UBR4: variants seen among roughly 807,000 people sequenced by gnomAD.
UBR4 encodes the protein E3 ubiquitin-protein ligase UBR4.
In UBR4, 124 loss-of-function variants were observed where a neutral mutation model predicts 575.6. The ratio of observed to expected loss-of-function variants is 0.22; its 90% CI spans 0.19 to 0.25. The LOEUF (loss-of-function observed/expected upper bound fraction) is 0.25, where lower values mean the gene tolerates loss of function less well. UBR4 is among the 10% of genes least tolerant of loss of function. The probability of loss-of-function intolerance (pLI) is 1.00; values close to 1 mark genes in which losing one functional copy is unlikely to be tolerated. For missense variants in UBR4, 4,818 were observed against 6,478.8 expected (o/e 0.74, Z 8.80); for synonymous variants, 2,455 against 2,473.7 (o/e 0.99, Z 0.22).
At chr1:19,184,850 G>T (rs557604987) in intron 15 of UBR4, among the ~76,000 whole-genome samples, 1 of 152,226 alleles carries the variant, frequency 6.6e-6, no homozygotes. Context: ...CAAAACTAAG[G>T]CTAGAAAAAA....
chr1:19,159,041 C>T (rs1018188146), intron 39 of UBR4, among the ~76,000 whole-genome samples: 6 of 152,102 alleles, frequency 3.9e-5, no homozygotes, highest in African/African-American at 1.4e-4. Flanking sequence ...TCTCAGGAGG[C>T]TGAGTGAGGC....
At chr1:19,192,453 A>G in intron 10 of UBR4, 28 bp downstream of exon 10, 4 of 1,614,216 alleles carry the variant, frequency 2.5e-6, no homozygotes, top group Non-Finnish European at 3.4e-6. Flanking sequence ...GATAGGAAGT[A>G]TGCAGCAGAG....
At position 19,095,565 on chromosome 1, in the gene UBR4, T is replaced by G. The variant is rs769598261; in HGVS notation, c.13606A>C (p.Met4536Leu). 1 of 1,614,018 alleles carries G rather than the reference T, an allele frequency of 6.2e-7. No individual in the cohort carries two copies. The highest frequency in any genetic ancestry group is 8.5e-7 in the Non-Finnish European group (1 of 1,180,010). The change falls in exon 93 of 106, where the codon ATG becomes CTG. Residue 4536 changes from methionine (M) to leucine (L), a missense_variant. Around this residue, in one of 29 missense-constraint regions of UBR4, gnomAD observed 165 missense variants for 282.3 expected, o/e 0.58. Transcript: ENST00000375254. ...VKLEMNTLNVMLGTLNLALVA... is the reference protein window; with the variant it reads ...VKLEMNTLNVLLGTLNLALVA... Reference sequence around the variant, plus strand: ...CTTACCAGGTTTAGGGTCCCCAGCATGACGTTCAAGGTGTTCATTTCCAGT... The same window carrying G: ...CTTACCAGGTTTAGGGTCCCCAGCAGGACGTTCAAGGTGTTCATTTCCAGT...
intron 59 of UBR4, 148 bp from the exon 60 acceptor site, chr1:19,138,329 T>A: frequency 1.2e-6 from 1 of 825,242 alleles, no homozygotes; most frequent in Non-Finnish European, 1.7e-6. Flanking sequence ...TAAAGCTAAG[T>A]AAGACCCCAC....
At chr1:19,159,221 G>A (rs1464843738) in intron 39 of UBR4, among the ~76,000 whole-genome samples, 1 of 152,048 alleles carries the variant, frequency 6.6e-6, no homozygotes, top group African/African-American at 2.4e-5. Context: ...TTTTGGAATC[G>A]CCACCACTTT....
intron 84 of UBR4, 85 bp downstream of exon 84, chr1:19,105,648 A>T: frequency 9.4e-7 from 1 of 1,059,152 alleles, no homozygotes; most frequent in Non-Finnish European, 1.3e-6. Context: ...GCCTCTCATT[A>T]CCCTGATCCA....
chr1:19,117,773 C>T lies in UBR4; in HGVS notation c.10629+50G>A, dbSNP rs752318621. 10 of 1,525,388 alleles carry T rather than the reference C, an allele frequency of 6.6e-6. No homozygotes were observed. In the South Asian group the frequency reaches 1.1e-4, roughly 17 times the overall value. The allele number at this position is 1,525,388 out of a possible 1,614,324, so 94.5% of individuals were successfully genotyped here. A position where few individuals can be genotyped will look rare whatever the true frequency, so the allele number is the denominator to read the frequency against. On this transcript the variant is annotated intron_variant, in intron 72 of 105. Coordinates refer to ENST00000375254, the MANE Select transcript of UBR4 (RefSeq NM_020765.3). The surrounding 1 kb of genome is among the most constrained non-coding windows in gnomAD (Gnocchi z 4.0). Reference sequence around the variant, plus strand: ...ATGATCCATCTCTGGAAACAAGAATCCCACTGGACCTATTGGCCTCAGGAC... The same window carrying T: ...ATGATCCATCTCTGGAAACAAGAATTCCACTGGACCTATTGGCCTCAGGAC...
In UBR4 at chr1:19,119,654, G is replaced by C. The variant is rs1380524587; in HGVS notation, c.10358C>G (p.Ser3453Cys). Residue 3453 changes from serine (S) to cysteine (C), a missense_variant, in exon 70 of 106, where the codon TCC becomes TGC. Coordinates refer to ENST00000375254, the MANE Select transcript of UBR4 (RefSeq NM_020765.3). ...QQELLLDLMW[S>C]IWPELPAYGR... Reference sequence around the variant, plus strand: ...ATAGGCTGGGAGTTCTGGCCAGATGGACCACATCAGATCTAGCAGGAGCTC... The same window carrying C: ...ATAGGCTGGGAGTTCTGGCCAGATGCACCACATCAGATCTAGCAGGAGCTC... The C allele has an allele frequency of 9.9e-6, 16 of 1,613,766 alleles. No homozygotes were observed. Among genetic ancestry groups the C allele is most frequent in the Non-Finnish European group, 1.4e-5 (16 of 1,179,824 alleles).
Position 19,173,405 on chromosome 1 carries a change from C to T in UBR4, c.3165+34G>A, listed in dbSNP as rs77060084. ...CTCCAGTAAGCACAAAGCACTTTGG[C>T]TTTGAATAGTCTTAGCAGCAAGCTC... is the stretch of plus-strand genomic sequence containing the variant. On this transcript the variant is annotated intron_variant, in intron 23 of 105. Transcript: ENST00000375254. 6,711 of 1,613,056 alleles carry T rather than the reference C, an allele frequency of 4.2e-3. 270 individuals are homozygous for T. In the African/African-American group the frequency reaches 0.08, roughly 19 times the overall value.
At chr1:19,111,117 T>C (rs897991652) in intron 78 of UBR4, among the ~76,000 whole-genome samples, 2 of 152,246 alleles carry the variant, frequency 1.3e-5, no homozygotes, top group Admixed American at 6.5e-5. Flanking sequence ...CCCTGCTGTC[T>C]GGTGTGACAC....
chr1:19,171,810 A>C (rs1302252853), intron 25 of UBR4, among the ~76,000 whole-genome samples: 1 of 152,168 alleles, frequency 6.6e-6, no homozygotes, highest in Non-Finnish European at 1.5e-5. Flanking sequence ...GCACCACTGC[A>C]CTCCGGCCTG....
intron 81 of UBR4, among the ~76,000 whole-genome samples, chr1:19,109,121 A>C (rs901687152): frequency 3.9e-5 from 6 of 152,212 alleles, no homozygotes; most frequent in Admixed American, 3.9e-4. Context: ...AGCACTCAAA[A>C]AGCAATCTTC....
At chr1:19,121,682 CTT>C (rs2081194339) in intron 67 of UBR4, among the ~76,000 whole-genome samples, 1 of 152,208 alleles carries the variant, frequency 6.6e-6, no homozygotes, top group Non-Finnish European at 1.5e-5. Flanking sequence ...ACCTACTCCT[CTT>C]TGACTTTACT....
At chr1:19,098,946 T>C (rs761880409) in intron 90 of UBR4, among the ~76,000 whole-genome samples, 13 of 150,672 alleles carry the variant, frequency 8.6e-5, no homozygotes, top group Non-Finnish European at 1.8e-4. Flanking sequence ...GAGAGAGAAA[T>C]GGAGGGGAAG....
chr1:19,095,602 C>T lies in UBR4; in HGVS notation c.13569G>A (p.Gln4523=), dbSNP rs759823230. 1.2e-6 allele frequency: 2 copies of T among 1,614,034 alleles called. No individual in the cohort carries two copies. The highest frequency in any genetic ancestry group is 2.7e-5 in the African/African-American group (2 of 74,928). The change falls in exon 93 of 106, where the codon CAG becomes CAA. Residue 4523 remains glutamine, a synonymous_variant. Coordinates refer to ENST00000375254, the MANE Select transcript of UBR4 (RefSeq NM_020765.3). ...SYCVKVKVNR[Q]QLVKLEMNTL... Reference sequence around the variant, plus strand: ...TGTTCATTTCCAGTTTGACCAGTTGCTGCCGGTTGACTTTCACCTTCACGC... The same window carrying T: ...TGTTCATTTCCAGTTTGACCAGTTGTTGCCGGTTGACTTTCACCTTCACGC...
In UBR4 at chr1:19,084,622, G is replaced by C; in HGVS notation, c.14890C>G (p.Leu4964Val). The change falls in exon 102 of 106, where the codon CTC becomes GTC. Residue 4964 changes from leucine to valine, a missense_variant. Leu to Val is a conservative substitution (Grantham distance 32, BLOSUM62 1). This residue lies in a region of UBR4 where 196 missense variants were observed against 386.8 expected (regional missense o/e 0.51). Coordinates refer to ENST00000375254, the MANE Select transcript of UBR4 (RefSeq NM_020765.3). ...TGCTCCATGGCGAAGCGCAGGAAGA[G>C]CAGTTTGATGTCATGGATGTTGAGC... ...YQLNIHDIKL[L>V]FLRFAMEQSF... 6.2e-7 allele frequency: 1 copy of C among 1,614,162 alleles called. No individual in the cohort carries two copies. Among genetic ancestry groups the C allele is most frequent in the Non-Finnish European group, 8.5e-7 (1 of 1,179,970 alleles).
chr1:19,186,447 TTTG>T, intron 14 of UBR4, 90 bp downstream of exon 14: 2 of 1,150,058 alleles, frequency 1.7e-6, no homozygotes, highest in Non-Finnish European at 2.4e-6. Flanking sequence ...AATGGAAACT[TTTG>T]TTTGGTCAGG....
At chr1:19,083,984 T>C (rs977909895) in intron 102 of UBR4, among the ~76,000 whole-genome samples, 4 of 152,226 alleles carry the variant, frequency 2.6e-5, no homozygotes, top group Non-Finnish European at 5.9e-5. Context: ...GCCAGAAGCA[T>C]TACCCACTGT....
chr1:19,145,508 GAC>G (rs555050832), intron 53 of UBR4, among the ~76,000 whole-genome samples: 4,295 of 144,850 alleles, frequency 0.03, 180 homozygotes, highest in African/African-American at 0.096. Context: ...AAACCACTGA[GAC>G]ACACACACAC....
Sources: gnomAD v4.1 joint callset for allele counts (sites outside exome capture counted in the v4.1 genomes callset) on GRCh38, gnomAD v4.1.1 for gene constraint, gnomAD v4.1.1 regional missense constraint, Gnocchi (gnomAD v3.1) non-coding constraint, MANE v1.5 for transcripts, NCBI Gene and HGNC (gene_info 2026-07-23, HGNC 2026-07-21) for gene names.